The following DENND5A variants were observed in gnomAD, a reference collection of about 807,000 sequenced individuals.
The protein encoded by DENND5A is DENN domain containing 5A.
DENND5A carries 64 observed loss-of-function variants against 140.3 expected under a neutral mutation model. The observed-to-expected ratio is 0.46, with a 90% CI of 0.37 to 0.56. The LOEUF (loss-of-function observed/expected upper bound fraction) is 0.56. Ranked by LOEUF, DENND5A falls within the 20% of genes least tolerant of loss-of-function variation. The pLI is 0.00. For synonymous variants in DENND5A, 605 were observed against 607.7 expected (o/e 1.00, Z 0.07); for missense variants, 1,292 against 1,593.8 (o/e 0.81, Z 3.22).
Position 9,143,424 on chromosome 11 carries a change from G to A in DENND5A, c.3366C>T (p.His1122=). 2 of 1,614,132 alleles carry A rather than the reference G, an allele frequency of 1.2e-6. No homozygotes were observed. Among genetic ancestry groups the A allele is most frequent in the South Asian group, 1.1e-5 (1 of 91,086 alleles). ...IGEAVNGIVK[H]FHKPEKERGS... is the part of the protein sequence containing the mutation. ...TCACCTCTTTCTCAGGCTTATGGAA[G>A]TGCTTCACAATGCCATTGACTGCCT... The change falls in exon 20 of 23, where the codon CAC becomes CAT. Residue 1122 remains histidine, a synonymous_variant. Transcript: ENST00000328194.
intron 1 of DENND5A, among the ~76,000 whole-genome samples, chr11:9,234,178 C>CAAA (rs11295091): frequency 8.7e-5 from 11 of 126,106 alleles, no homozygotes; most frequent in African/African-American, 3.2e-4. Context: ...AACTCCGTCT[C>CAAA]AAAAAAAAAA....
intron 12 of DENND5A, among the ~76,000 whole-genome samples, chr11:9,152,868 G>T (rs1847668076): frequency 6.6e-6 from 1 of 151,766 alleles, no homozygotes; most frequent in Non-Finnish European, 1.5e-5. Context: ...GCAGGATGTG[G>T]TGGTGCATGG....
At chr11:9,234,169 A>C (rs1175125469) in intron 1 of DENND5A, among the ~76,000 whole-genome samples, 1 of 139,228 alleles carries the variant, frequency 7.2e-6, no homozygotes, top group Non-Finnish European at 1.5e-5. Context: ...ACAGAGCAAA[A>C]CTCCGTCTCA....
intron 1 of DENND5A, among the ~76,000 whole-genome samples, chr11:9,245,877 G>C (rs567869391): frequency 6.6e-6 from 1 of 151,932 alleles, no homozygotes; most frequent in Admixed American, 6.6e-5. Flanking sequence ...CAGGTGATCC[G>C]CCTGCCTCAG....
intron 1 of DENND5A, among the ~76,000 whole-genome samples, chr11:9,259,290 G>A: frequency 6.6e-6 from 1 of 151,372 alleles, no homozygotes; most frequent in Non-Finnish European, 1.5e-5. Context: ...CAGGCGTGGT[G>A]ACTCAAGCCT....
Position 9,203,982 on chromosome 11 carries a change from G to T in DENND5A, c.627C>A (p.Leu209=), listed in dbSNP as rs973830706. 9 of 1,614,064 alleles carry T rather than the reference G, an allele frequency of 5.6e-6. No individual in the cohort carries two copies. In the African/African-American group the frequency reaches 6.7e-5, roughly 12 times the overall value. Residue 209 remains leucine (L), a synonymous_variant, in exon 4 of 23, where the codon CTC becomes CTA. Coordinates refer to ENST00000328194, the MANE Select transcript of DENND5A (RefSeq NM_015213.4). The part of the protein sequence containing the change: ...DTLYVSKCIC[L]ITPMSFMKAC... ...CCTTCATGAAAGACATGGGTGTGATGAGGCAGATGCACTTAGAGACGTAGA... is the reference window on the plus strand; with the variant it reads ...CCTTCATGAAAGACATGGGTGTGATTAGGCAGATGCACTTAGAGACGTAGA...
chr11:9,234,374 T>C (rs1286648233), intron 1 of DENND5A, among the ~76,000 whole-genome samples: 2 of 151,534 alleles, frequency 1.3e-5, no homozygotes, highest in Admixed American at 6.6e-5. Context: ...CAATTCACAA[T>C]ACCAATATAA....
intron 1 of DENND5A, among the ~76,000 whole-genome samples, chr11:9,246,190 A>T (rs1170786861): frequency 1.3e-5 from 2 of 152,096 alleles, no homozygotes; most frequent in African/African-American, 4.8e-5. Context: ...ATAGCCAAAG[A>T]AGTCAGTGAC....
intron 8 of DENND5A, among the ~76,000 whole-genome samples, chr11:9,172,993 T>A (rs997623128): frequency 6.6e-6 from 1 of 151,732 alleles, no homozygotes; most frequent in Non-Finnish European, 1.5e-5. Context: ...TTTTTTTTTT[T>A]TTTTATATGT....
chr11:9,180,013 A>G (rs1032272914), intron 6 of DENND5A, among the ~76,000 whole-genome samples: 1 of 152,252 alleles, frequency 6.6e-6, no homozygotes, highest in Non-Finnish European at 1.5e-5. Context: ...AGAATTCAAG[A>G]GGACTAGATT....
chr11:9,265,115 C>A lies in DENND5A; in HGVS notation c.-46G>T. The A allele has an allele frequency of 2.6e-6, 3 of 1,132,818 alleles. No individual in the cohort carries two copies. Among genetic ancestry groups the A allele is most frequent in the Non-Finnish European group, 3.3e-6 (3 of 910,514 alleles). 70.2% of individuals were successfully genotyped at this position (1,132,818 alleles called of 1,614,324 possible). A position where few individuals can be genotyped will look rare whatever the true frequency, so the allele number is the denominator to read the frequency against. On this transcript the variant is annotated 5_prime_UTR_variant, in exon 1 of 23. Transcript: ENST00000328194. The surrounding 1 kb of genome is among the most constrained non-coding windows in gnomAD (Gnocchi z 4.7). Reference sequence around the variant, plus strand: ...CCGGGCAGTGCGGAGCGGCACCGAGCCCCCGCAACCCGGGCGCCCGCCCGT... The same window carrying A: ...CCGGGCAGTGCGGAGCGGCACCGAGACCCCGCAACCCGGGCGCCCGCCCGT...
intron 10 of DENND5A, 125 bp from the exon 11 acceptor site, chr11:9,166,092 T>G: frequency 2.2e-6 from 2 of 891,758 alleles, no homozygotes; most frequent in Non-Finnish European, 3.3e-6. Context: ...TTTTTCTTTT[T>G]TTTTTTGAGA....
chr11:9,190,696 G>C (rs1357000380), intron 5 of DENND5A, among the ~76,000 whole-genome samples: 1 of 152,144 alleles, frequency 6.6e-6, no homozygotes, highest in African/African-American at 2.4e-5. Flanking sequence ...TTCTAAGACT[G>C]TAGTTAAAAG....
chr11:9,145,489 T>TG, intron 17 of DENND5A, 181 bp downstream of exon 17: 1 of 696,034 alleles, frequency 1.4e-6, no homozygotes, highest in Non-Finnish European at 2.5e-6. Context: ...TTAGACAGGG[T>TG]GGGGTCCCCC....
At chr11:9,262,073 T>A (rs764932125) in intron 1 of DENND5A, among the ~76,000 whole-genome samples, 7 of 152,206 alleles carry the variant, frequency 4.6e-5, no homozygotes, top group Non-Finnish European at 1.0e-4. Context: ...CACATATCCA[T>A]TAAGACAGTA....
At chr11:9,206,197 T>C (rs940357879) in intron 3 of DENND5A, among the ~76,000 whole-genome samples, 1 of 152,222 alleles carries the variant, frequency 6.6e-6, no homozygotes, top group East Asian at 1.9e-4. Flanking sequence ...ACTCTAGTGG[T>C]ATATTCTTCC....
rs78439449 is a variant in DENND5A, at chr11:9,178,918, T to A, written c.1611A>T (p.Gln537His). ...MFADYEVFVI[Q>H]PSQDKESWFT... ...ACCAGGATTCCTTATCCTGGCTGGG[T>A]TGGATGACAAACACCTCATAATCTG... Residue 537 changes from glutamine (Q) to histidine (H), a missense_variant, in exon 7 of 23, where the codon CAA (glutamine) becomes CAT (histidine). By Grantham distance (24) the Gln-to-His change is conservative (BLOSUM62 0). This residue lies in a region of DENND5A where 29 missense variants were observed against 64.7 expected (regional missense o/e 0.45). Coordinates refer to ENST00000328194, the MANE Select transcript of DENND5A (RefSeq NM_015213.4). 1 of 1,614,156 alleles carries A rather than the reference T, an allele frequency of 6.2e-7. No homozygotes were observed. The highest frequency in any genetic ancestry group is 8.5e-7 in the Non-Finnish European group (1 of 1,180,026).
At chr11:9,174,632 CAA>C (rs963649441) in intron 8 of DENND5A, among the ~76,000 whole-genome samples, 4 of 150,934 alleles carry the variant, frequency 2.7e-5, no homozygotes. Context: ...CCCACTAGTT[CAA>C]AGTTACAGAA....
intron 4 of DENND5A, among the ~76,000 whole-genome samples, chr11:9,194,954 T>C (rs1849269341): frequency 6.6e-6 from 1 of 151,178 alleles, no homozygotes; most frequent in Non-Finnish European, 1.5e-5. Context: ...CCTAACCTTG[T>C]GATCCACCCG....
Sources: gnomAD v4.1 joint callset for allele counts (sites outside exome capture counted in the v4.1 genomes callset) on GRCh38, gnomAD v4.1.1 for gene constraint, gnomAD v4.1.1 regional missense constraint, Gnocchi (gnomAD v3.1) non-coding constraint, MANE v1.5 for transcripts, NCBI Gene and HGNC (gene_info 2026-07-23, HGNC 2026-07-21) for gene names.